The following ULK4 variants were observed in gnomAD, a reference collection of about 807,000 sequenced individuals.
The protein encoded by ULK4 is unc-51 like kinase 4, also known as inactive serine/threonine-protein kinase ULK4.
Under a neutral mutation model 160.6 loss-of-function variants are expected in ULK4, and 133 were observed. The observed-to-expected ratio is 0.83, with a 90% CI of 0.72 to 0.96. ULK4 has a LOEUF of 0.96. ULK4 is among the 40% of genes least tolerant of loss of function. The probability of loss-of-function intolerance (pLI) is 0.00; values close to 1 mark genes in which losing one functional copy is unlikely to be tolerated. For synonymous variants in ULK4, 534 were observed against 539.8 expected, an observed-to-expected ratio of 0.99 and a Z score of 0.15; for missense variants, 1,580 against 1,499.5, an observed-to-expected ratio of 1.05 and a Z score of -0.89.
At chr3:41,768,282 A>G (rs2125915798) in intron 21 of ULK4, among the ~76,000 whole-genome samples, 1 of 152,344 alleles carries the variant, frequency 6.6e-6, no homozygotes, top group East Asian at 1.9e-4. Flanking sequence ...CTATTTTAAC[A>G]TCTAATAACA....
intron 23 of ULK4, among the ~76,000 whole-genome samples, chr3:41,716,505 T>C (rs1268666211): frequency 1.3e-5 from 2 of 152,092 alleles, no homozygotes; most frequent in Non-Finnish European, 2.9e-5. Context: ...CAATCCGAAA[T>C]AAATTTTGAG....
chr3:41,780,561 C>A (rs1474489454), intron 21 of ULK4, among the ~76,000 whole-genome samples: 2 of 152,140 alleles, frequency 1.3e-5, no homozygotes, highest in East Asian at 1.9e-4. Context: ...TCTTCTCCTG[C>A]TGGAGTCCTT....
At chr3:41,484,498 G>A (rs1280174057) in intron 32 of ULK4, among the ~76,000 whole-genome samples, 1 of 141,206 alleles carries the variant, frequency 7.1e-6, no homozygotes, top group African/African-American at 2.7e-5. Flanking sequence ...TGTCACCCAG[G>A]CTGGAGTGCA....
At chr3:41,753,345 C>T (rs1270407789) in intron 22 of ULK4, among the ~76,000 whole-genome samples, 1 of 152,120 alleles carries the variant, frequency 6.6e-6, no homozygotes, top group Non-Finnish European at 1.5e-5. Flanking sequence ...AATTGTCAAC[C>T]CCTAATCTAG....
intron 32 of ULK4, among the ~76,000 whole-genome samples, chr3:41,488,204 G>C (rs192371671): frequency 3.4e-4 from 52 of 152,310 alleles, no homozygotes; most frequent in Admixed American, 1.5e-3. Flanking sequence ...ATATTTGAGA[G>C]TAACTTTTTA....
intron 4 of ULK4, 136 bp from the exon 5 acceptor site, chr3:41,932,142 AATTT>A (rs1699625275): frequency 1.4e-6 from 1 of 724,528 alleles, no homozygotes; most frequent in Non-Finnish European, 2.0e-6. Context: ...AAATGCTTAT[AATTT>A]TTTTAAAAGC....
chr3:41,691,120 A>G (rs1490454363), intron 27 of ULK4, among the ~76,000 whole-genome samples: 1 of 151,978 alleles, frequency 6.6e-6, no homozygotes, highest in Non-Finnish European at 1.5e-5. Flanking sequence ...ACTAAGAGGC[A>G]AAATGGCAGA....
chr3:41,369,369 C>G (rs771157562), intron 35 of ULK4, among the ~76,000 whole-genome samples: 8 of 152,046 alleles, frequency 5.3e-5, no homozygotes, highest in Non-Finnish European at 1.0e-4. Flanking sequence ...TGGCACATGC[C>G]TGTGGTACCA....
intron 34 of ULK4, among the ~76,000 whole-genome samples, chr3:41,400,901 T>C (rs1211344173): frequency 6.6e-6 from 1 of 152,208 alleles, no homozygotes; most frequent in Non-Finnish European, 1.5e-5. Flanking sequence ...GGTATCTCAT[T>C]GTAGTTTAAA....
intron 27 of ULK4, among the ~76,000 whole-genome samples, chr3:41,696,412 C>G (rs574308598): frequency 9.2e-5 from 14 of 152,330 alleles, no homozygotes; most frequent in South Asian, 8.3e-4. Flanking sequence ...GGGAAGGGCC[C>G]CCTGTCCAGT....
chr3:41,745,784 A>C (rs2038399391), intron 22 of ULK4, among the ~76,000 whole-genome samples: 1 of 151,718 alleles, frequency 6.6e-6, no homozygotes. Flanking sequence ...AAATTCAGCA[A>C]AATATAAAAG....
chr3:41,675,238 C>CA (rs535940231), intron 29 of ULK4, among the ~76,000 whole-genome samples: 4 of 149,912 alleles, frequency 2.7e-5, no homozygotes, highest in Admixed American at 6.6e-5. Flanking sequence ...GACTCCGTCT[C>CA]AAAAAAAAGA....
chr3:41,413,912 C>T (rs903355072), intron 34 of ULK4, among the ~76,000 whole-genome samples: 1 of 152,254 alleles, frequency 6.6e-6, no homozygotes, highest in South Asian at 2.1e-4. Flanking sequence ...AGTATAAGTA[C>T]GTCCATTTGG....
intron 17 of ULK4, among the ~76,000 whole-genome samples, chr3:41,838,313 G>A (rs922454433): frequency 2.0e-5 from 3 of 152,106 alleles, no homozygotes; most frequent in African/African-American, 7.2e-5. Flanking sequence ...GTCTGATTGG[G>A]TTCTAAAGAC....
intron 21 of ULK4, among the ~76,000 whole-genome samples, chr3:41,771,460 T>A (rs977877922): frequency 6.6e-6 from 1 of 152,186 alleles, no homozygotes; most frequent in African/African-American, 2.4e-5. Context: ...AAATTTATGA[T>A]TTGTACATTC....
At chr3:41,601,719 C>T (rs1184580245) in intron 31 of ULK4, among the ~76,000 whole-genome samples, 2 of 152,064 alleles carry the variant, frequency 1.3e-5, no homozygotes, top group Admixed American at 6.6e-5. Flanking sequence ...AAAAAGAACA[C>T]ACTTGAATTA....
intron 11 of ULK4, among the ~76,000 whole-genome samples, chr3:41,910,608 T>A (rs2148802362): frequency 9.0e-6 from 1 of 111,272 alleles, no homozygotes; most frequent in South Asian, 4.0e-4. Flanking sequence ...AAAAATAAAA[T>A]AAAAATAAAT....
At chr3:41,767,497 G>C (rs2039206890) in intron 21 of ULK4, among the ~76,000 whole-genome samples, 1 of 152,088 alleles carries the variant, frequency 6.6e-6, no homozygotes, top group African/African-American at 2.4e-5. Context: ...TCTATTTACA[G>C]CTGTTTCTTT....
intron 35 of ULK4, among the ~76,000 whole-genome samples, chr3:41,386,350 C>T (rs2081808630): frequency 6.6e-6 from 1 of 152,134 alleles, no homozygotes; most frequent in South Asian, 2.1e-4. Flanking sequence ...TTTAACTGAA[C>T]ATGTGTAAAA....
Sources: gnomAD v4.1 joint callset for allele counts (sites outside exome capture counted in the v4.1 genomes callset) on GRCh38, gnomAD v4.1.1 for gene constraint, MANE v1.5 for transcripts, NCBI Gene and HGNC (gene_info 2026-07-23, HGNC 2026-07-21) for gene names.